DCLK1: variants seen among roughly 807,000 people sequenced by gnomAD.
DCLK1 encodes the protein doublecortin like kinase 1, also known as serine/threonine-protein kinase DCLK1.
In DCLK1, 16 loss-of-function variants were observed where a neutral mutation model predicts 86.2. The observed-to-expected ratio is 0.19, with a 90% CI of 0.13 to 0.28. The LOEUF (loss-of-function observed/expected upper bound fraction) is 0.28, where lower values mean the gene tolerates loss of function less well. Among genes scored for constraint, DCLK1 ranks in the 10% least tolerant of loss-of-function variants. The pLI is 1.00. For missense variants in DCLK1, 590 were observed against 940.2 expected, an observed-to-expected ratio of 0.63 and a Z score of 4.87; for synonymous variants, 369 against 370.5, an observed-to-expected ratio of 1.00 and a Z score of 0.05.
intron 3 of DCLK1, among the ~76,000 whole-genome samples, chr13:36,058,271 G>A (rs1460198857): frequency 2.6e-5 from 4 of 152,142 alleles, no homozygotes; most frequent in Non-Finnish European, 2.9e-5. Flanking sequence ...GGCCACAAGC[G>A]TCCAAGCCAG....
chr13:35,826,523 C>CAAAAAAAAAAAA (rs533243711), intron 10 of DCLK1, among the ~76,000 whole-genome samples: 4 of 19,766 alleles, frequency 2.0e-4, no homozygotes, highest in Non-Finnish European at 2.6e-4. Context: ...AACTCCATCT[C>CAAAAAAAAAAAA]AAAAAAAAAA....
In DCLK1 at chr13:35,984,897, GCACACA is replaced by G. The variant is rs10598942; in HGVS notation, c.724-37446_724-37441del. Among the ~76,000 whole-genome samples the G allele has an allele frequency of 3.7e-3, 550 of 148,338 alleles. 18 individuals carry two copies. Among genetic ancestry groups the G allele is most frequent in the Admixed American group, 0.03 (452 of 14,878 alleles). On this transcript the variant is annotated intron_variant, in intron 3 of 16. Coordinates refer to ENST00000360631, the MANE Select transcript of DCLK1 (RefSeq NM_001330071.2). ...AACCCTGTGCCCCCAGCGTGCGCATGCACACACACACACACACACACACACACTTGA... is the reference window on the plus strand; with the variant it reads ...AACCCTGTGCCCCCAGCGTGCGCATGCACACACACACACACACACACTTGA...
In DCLK1 at chr13:35,773,333, G is replaced by A. The variant is rs1289292275; in HGVS notation, c.*1202C>T. On this transcript the variant is annotated 3_prime_UTR_variant, in exon 17 of 17. Transcript: ENST00000360631. ...TAGGGGATGGAGGTTTTATCCTCAG[G>A]GGTATCATCTAGGTCTTTCATCCTG... is the stretch of plus-strand genomic sequence containing the variant. 6.6e-6 allele frequency: 1 copy of A among 152,170 alleles called. No homozygotes were observed. Among genetic ancestry groups the A allele is most frequent in the Non-Finnish European group, 1.5e-5 (1 of 68,000 alleles). The allele number at this position is 152,170 out of a possible 1,614,324, so 9.4% of individuals were successfully genotyped here. A position where few individuals can be genotyped will look rare whatever the true frequency, so the allele number is the denominator to read the frequency against.
At chr13:35,876,965 C>T (rs1210978358) in intron 4 of DCLK1, among the ~76,000 whole-genome samples, 3 of 152,108 alleles carry the variant, frequency 2.0e-5, no homozygotes, top group African/African-American at 7.2e-5. Flanking sequence ...AAGATTGCAG[C>T]CTACCCAAAG....
At chr13:35,915,692 ACCCCACCT>A (rs1875363893) in intron 4 of DCLK1, among the ~76,000 whole-genome samples, 8 of 152,112 alleles carry the variant, frequency 5.3e-5, no homozygotes, top group Admixed American at 3.3e-4. Flanking sequence ...TGACCCTGAG[ACCCCACCT>A]CAAAAACAAA....
intron 3 of DCLK1, among the ~76,000 whole-genome samples, chr13:36,011,985 C>A (rs1881293447): frequency 1.3e-5 from 2 of 149,192 alleles, no homozygotes; most frequent in South Asian, 4.3e-4. Flanking sequence ...TATATAATGG[C>A]CTTCTTTGTC....
At chr13:36,072,474 T>C (rs1884013901) in intron 3 of DCLK1, among the ~76,000 whole-genome samples, 1 of 152,222 alleles carries the variant, frequency 6.6e-6, no homozygotes, top group African/African-American at 2.4e-5. Flanking sequence ...TTAAATATTA[T>C]CTATATGCTA....
chr13:35,833,186 T>C lies in DCLK1; in HGVS notation c.1229+2847A>G, dbSNP rs373700184. On this transcript the variant is annotated intron_variant, in intron 8 of 16. Transcript: ENST00000360631. ...GATTTTAATTCATCTCTGGTGCCTA[T>C]ATCACTAAGCAATGCCAGCAGTGCA... is the stretch of plus-strand genomic sequence containing the variant. 3.3e-5 allele frequency among the ~76,000 whole-genome samples: 5 copies of C among 152,202 alleles called. No homozygotes were observed. In the East Asian group the frequency reaches 5.8e-4, roughly 18 times the overall value.
chr13:35,805,879 T>C, intron 14 of DCLK1, 100 bp from the exon 15 acceptor site: 2 of 1,034,876 alleles, frequency 1.9e-6, no homozygotes, highest in Non-Finnish European at 2.8e-6. Context: ...AAAGCATTTG[T>C]AAAAGCTCTA....
chr13:36,100,177 T>TA (rs1355486943), intron 3 of DCLK1, among the ~76,000 whole-genome samples: 3 of 38,432 alleles, frequency 7.8e-5, no homozygotes, highest in Non-Finnish European at 1.3e-4. Context: ...ACCCTGTCTC[T>TA]ACAAAAAAAA....
At chr13:36,104,208 T>C (rs1351089206) in intron 3 of DCLK1, among the ~76,000 whole-genome samples, 1 of 152,166 alleles carries the variant, frequency 6.6e-6, no homozygotes, top group Non-Finnish European at 1.5e-5. Flanking sequence ...TATATGGCCA[T>C]GACCCGTAAG....
Position 35,808,205 on chromosome 13 carries a change from G to T in DCLK1, c.1863+19C>A. The T allele has an allele frequency of 1.2e-6, 2 of 1,603,562 alleles. No homozygotes were observed. Among genetic ancestry groups the T allele is most frequent in the Non-Finnish European group, 1.7e-6 (2 of 1,170,436 alleles). ...AAGACACACAGAATATAGGGAAGAG[G>T]AAGGCACTGGACACCTACCTTTGCA... On this transcript the variant is annotated intron_variant, in intron 14 of 16. Transcript: ENST00000360631.
chr13:36,075,691 T>C (rs992965624), intron 3 of DCLK1, among the ~76,000 whole-genome samples: 5 of 152,192 alleles, frequency 3.3e-5, no homozygotes, highest in African/African-American at 1.2e-4. Flanking sequence ...AGATGATATG[T>C]ATGATAGCTT....
At chr13:35,860,329 A>T (rs1193414918) in intron 5 of DCLK1, among the ~76,000 whole-genome samples, 2 of 151,714 alleles carry the variant, frequency 1.3e-5, no homozygotes, top group African/African-American at 2.4e-5. Context: ...TGGGGGGTGC[A>T]TAGGGAATCA....
chr13:35,794,553 C>G (rs2086769216), intron 15 of DCLK1, among the ~76,000 whole-genome samples: 1 of 152,218 alleles, frequency 6.6e-6, no homozygotes, highest in Non-Finnish European at 1.5e-5. Context: ...TTTCTTTCAG[C>G]ATTTGGGCAT....
chr13:35,940,261 C>T, intron 4 of DCLK1, among the ~76,000 whole-genome samples: 1 of 147,790 alleles, frequency 6.8e-6, no homozygotes, highest in African/African-American at 2.5e-5. Context: ...GTCACATCTC[C>T]AGCCTGGGTG....
intron 10 of DCLK1, among the ~76,000 whole-genome samples, chr13:35,823,334 G>A (rs1325056195): frequency 6.7e-6 from 1 of 149,316 alleles, no homozygotes; most frequent in Non-Finnish European, 1.5e-5. Context: ...ATGTTCTACT[G>A]CCTAGTGAAA....
chr13:35,850,851 CTG>C, intron 6 of DCLK1: 1 of 1,264,072 alleles, frequency 7.9e-7, no homozygotes, highest in Non-Finnish European at 1.1e-6. Flanking sequence ...GAGAGCAGCA[CTG>C]AATGGGCATC....
chr13:36,080,274 G>A (rs1334935744), intron 3 of DCLK1, among the ~76,000 whole-genome samples: 3 of 152,150 alleles, frequency 2.0e-5, no homozygotes, highest in Non-Finnish European at 4.4e-5. Flanking sequence ...AAGGAAAGCC[G>A]AAAGGTGAGA....
Sources: gnomAD v4.1 joint callset for allele counts (sites outside exome capture counted in the v4.1 genomes callset) on GRCh38, gnomAD v4.1.1 for gene constraint, MANE v1.5 for transcripts, NCBI Gene and HGNC (gene_info 2026-07-23, HGNC 2026-07-21) for gene names.